CD84: variants seen among roughly 807,000 people sequenced by gnomAD.
CD84 encodes CD84 molecule.
Under a neutral mutation model 33.8 loss-of-function variants are expected in CD84, and 22 were observed. The ratio of observed to expected loss-of-function variants is 0.65; its 90% CI spans 0.46 to 0.93. The LOEUF (loss-of-function observed/expected upper bound fraction) is 0.93. CD84 is among the 40% of genes least tolerant of loss of function. The pLI is 0.00. For missense variants in CD84, 400 were observed against 397.6 expected, an observed-to-expected ratio of 1.01 and a Z score of -0.05; for synonymous variants, 154 against 145.2, an observed-to-expected ratio of 1.06 and a Z score of -0.44.
chr1:160,570,813 A>G (rs1160283178), intron 1 of CD84: 1 of 152,406 alleles, frequency 6.6e-6, no homozygotes, highest in African/African-American at 2.4e-5. Context: ...CAGTAAGCCA[A>G]GACCACACCA....
intron 5 of CD84, 133 bp from the exon 6 acceptor site, chr1:160,550,112 T>C: frequency 1.4e-6 from 1 of 704,658 alleles, no homozygotes; most frequent in Non-Finnish European, 2.6e-6. Context: ...TGGCCTCAGT[T>C]CTGCCTCCAT....
rs563083503 is a variant in CD84, at chr1:160,545,257, C to T, written c.*2999G>A. The T allele has an allele frequency of 6.6e-6, 1 of 152,070 alleles. No individual in the cohort carries two copies. The highest frequency in any genetic ancestry group is 1.5e-5 in the Non-Finnish European group (1 of 68,014). The allele number at this position is 152,070 out of a possible 1,614,324, so 9.4% of individuals were successfully genotyped here. On this transcript the variant is annotated 3_prime_UTR_variant, in exon 7 of 7. Coordinates refer to ENST00000368054, the MANE Select transcript of CD84 (RefSeq NM_003874.4). ...ACCTGCTTCTGATTTTTATTTTTGACAATATGCATAGGGGCATTAGGACAC... is the reference window on the plus strand; with the variant it reads ...ACCTGCTTCTGATTTTTATTTTTGATAATATGCATAGGGGCATTAGGACAC...
rs569308205 is a variant in CD84, at chr1:160,559,498, G to A, written c.389-5352C>T. ...TGAAGGAAGCACTAAATAAGGAAAG[G>A]GAAAACAGGTACCAGCCACTACAAA... On this transcript the variant is annotated intron_variant, in intron 2 of 6. Transcript: ENST00000368054. Among the ~76,000 whole-genome samples, 5 of 152,236 alleles carry A rather than the reference G, an allele frequency of 3.3e-5. No individual in the cohort carries two copies. In the South Asian group the frequency reaches 1.0e-3, roughly 32 times the overall value.
At chr1:160,548,962 G>C (rs1310041182) in intron 6 of CD84, among the ~76,000 whole-genome samples, 2 of 151,992 alleles carry the variant, frequency 1.3e-5, no homozygotes, top group Admixed American at 1.3e-4. Context: ...CAAATATGCT[G>C]GGCACCCTGA....
chr1:160,574,967 G>A (rs1267668691), intron 1 of CD84, among the ~76,000 whole-genome samples: 1 of 152,044 alleles, frequency 6.6e-6, no homozygotes, highest in East Asian at 1.9e-4. Context: ...AACTACGAAG[G>A]GAAAAATTAG....
intron 2 of CD84, among the ~76,000 whole-genome samples, chr1:160,559,517 C>T (rs1037972571): frequency 3.3e-5 from 5 of 152,170 alleles, no homozygotes; most frequent in Admixed American, 6.5e-5. Context: ...GTACCAGCCA[C>T]TACAAAAACA....
rs184911770 is a variant in CD84 at position 160,560,578 on chromosome 1, A to G, written c.388+4826T>C. 4.2e-3 allele frequency among the ~76,000 whole-genome samples: 647 copies of G among 152,274 alleles called. 4 individuals carry two copies. The highest frequency in any genetic ancestry group is 0.015 in the African/African-American group (607 of 41,558). On this transcript the variant is annotated intron_variant, in intron 2 of 6. Coordinates refer to ENST00000368054, the MANE Select transcript of CD84 (RefSeq NM_003874.4). ...AAGTTAACAACCTAACATCACAACT[A>G]AAAGAACTATAGAACCAAAAACAAA...
intron 2 of CD84, among the ~76,000 whole-genome samples, chr1:160,554,513 G>A (rs1409343463): frequency 6.6e-6 from 1 of 152,134 alleles, no homozygotes; most frequent in African/African-American, 2.4e-5. Context: ...CTGTTTTGAT[G>A]ATTGTTGCTC....
chr1:160,555,004 T>TTA (rs546095274), intron 2 of CD84, among the ~76,000 whole-genome samples: 26 of 151,026 alleles, frequency 1.7e-4, no homozygotes, highest in Middle Eastern at 3.4e-3. Context: ...AACATAAATT[T>TTA]TATATATATA....
intron 5 of CD84, among the ~76,000 whole-genome samples, chr1:160,550,318 C>T (rs529351140): frequency 2.8e-4 from 43 of 151,944 alleles, no homozygotes; most frequent in Non-Finnish European, 4.9e-4. Context: ...CCAAGCACAG[C>T]GCTAGACTGA....
chr1:160,548,632 A>C (rs1655983054), intron 6 of CD84, among the ~76,000 whole-genome samples: 1 of 152,176 alleles, frequency 6.6e-6, no homozygotes, highest in Non-Finnish European at 1.5e-5. Flanking sequence ...TTCAGGTTCA[A>C]GCTACCTGCA....
chr1:160,579,431 G>C lies in CD84; in HGVS notation c.7C>G (p.Gln3Glu). 6.2e-7 allele frequency: 1 copy of C among 1,613,186 alleles called. No homozygotes were observed. The highest frequency in any genetic ancestry group is 8.5e-7 in the Non-Finnish European group (1 of 1,179,408). Residue 3 changes from glutamine to glutamate, a missense_variant, in exon 1 of 7, where the codon CAG becomes GAG. Transcript: ENST00000368054. MA[Q>E]HHLWILLLCL... Reference sequence around the variant, plus strand: ...AGGAGCAAGATCCATAGGTGGTGCTGAGCCATCTCTTTCAGGGTCTAACCT... The same window carrying C: ...AGGAGCAAGATCCATAGGTGGTGCTCAGCCATCTCTTTCAGGGTCTAACCT...
intron 1 of CD84, among the ~76,000 whole-genome samples, chr1:160,577,078 A>T (rs1658030712): frequency 6.6e-6 from 1 of 152,152 alleles, no homozygotes; most frequent in African/African-American, 2.4e-5. Context: ...GTGTTTCCAA[A>T]GTCATGATCA....
At position 160,544,882 on chromosome 1, in the gene CD84, C is replaced by G. The variant is rs1655733498; in HGVS notation, c.*3374G>C. On this transcript the variant is annotated 3_prime_UTR_variant, in exon 7 of 7. Transcript: ENST00000368054. ...AACTTTCCACCAGAGGGCTCTGTCT[C>G]TGAGACTTCCATTTTGATGCACATT... 6.6e-6 allele frequency: 1 copy of G among 152,236 alleles called. No individual in the cohort carries two copies. The highest frequency in any genetic ancestry group is 1.5e-5 in the Non-Finnish European group (1 of 68,058). 9.4% of individuals were successfully genotyped at this position (152,236 alleles called of 1,614,324 possible).
chr1:160,574,707 CA>C (rs1169896397), intron 1 of CD84, among the ~76,000 whole-genome samples: 1 of 152,102 alleles, frequency 6.6e-6, no homozygotes, highest in Non-Finnish European at 1.5e-5. Context: ...AGGGACTGGC[CA>C]TGAACCCCAG....
chr1:160,545,766 A>T lies in CD84; in HGVS notation c.*2490T>A, dbSNP rs1655792159. 1 of 152,006 alleles carries T rather than the reference A, an allele frequency of 6.6e-6. No homozygotes were observed. Among genetic ancestry groups the T allele is most frequent in the African/African-American group, 2.4e-5 (1 of 41,274 alleles). The allele number at this position is 152,006 out of a possible 1,614,324, so 9.4% of individuals were successfully genotyped here. A position where few individuals can be genotyped will look rare whatever the true frequency, so the allele number is the denominator to read the frequency against. On this transcript the variant is annotated 3_prime_UTR_variant, in exon 7 of 7. Transcript: ENST00000368054. ...CACCTCAGCCTCCCAAGTAGCTGGG[A>T]TTACAGGTGTGCACCACCACGCCCA...
At chr1:160,558,861 C>A (rs1294747899) in intron 2 of CD84, among the ~76,000 whole-genome samples, 1 of 151,790 alleles carries the variant, frequency 6.6e-6, no homozygotes, top group Non-Finnish European at 1.5e-5. Context: ...CAGAACAGAC[C>A]AAGTGGAGGA....
chr1:160,559,486 A>C (rs1281341906), intron 2 of CD84, among the ~76,000 whole-genome samples: 1 of 152,192 alleles, frequency 6.6e-6, no homozygotes, highest in African/African-American at 2.4e-5. Flanking sequence ...AGGAAGCACT[A>C]AATAAGGAAA....
At chr1:160,558,667 A>C (rs1656761018) in intron 2 of CD84, among the ~76,000 whole-genome samples, 1 of 152,210 alleles carries the variant, frequency 6.6e-6, no homozygotes, top group Non-Finnish European at 1.5e-5. Context: ...TAGGCTTCAG[A>C]AGGTGGGTAA....
Sources: allele counts gnomAD v4.1 joint callset (sites outside exome capture counted in the v4.1 genomes callset), GRCh38; gene constraint gnomAD v4.1.1; transcripts MANE v1.5; gene names NCBI Gene and HGNC (gene_info 2026-07-23, HGNC 2026-07-21).